The following RGMA variants were observed in gnomAD, a reference collection of about 807,000 sequenced individuals.
RGMA encodes repulsive guidance molecule BMP co-receptor a, also known as repulsive guidance molecule A.
A neutral mutation model predicts 23.2 loss-of-function variants in RGMA; 10 were observed. That is an observed-to-expected ratio of 0.43 (90% CI 0.27 to 0.73). The LOEUF (loss-of-function observed/expected upper bound fraction) is 0.73, where lower values mean the gene tolerates loss of function less well. Ranked by LOEUF, RGMA falls within the 30% of genes least tolerant of loss-of-function variation. RGMA has a pLI of 0.20. For synonymous variants in RGMA, 308 were observed against 279.3 expected (o/e 1.10, Z -1.03); for missense variants, 547 against 630.5 (o/e 0.87, Z 1.42).
Position 93,067,638 on chromosome 15 carries a change from G to C in RGMA, c.130+5278C>G, listed in dbSNP as rs1873236050. Among the ~76,000 whole-genome samples, 4 of 152,198 alleles carry C rather than the reference G, an allele frequency of 2.6e-5. No individual in the cohort carries two copies. The South Asian group carries it at 6.2e-4, about 24-fold the overall frequency. On this transcript the variant is annotated intron_variant, in intron 2 of 3. Transcript: ENST00000329082. ...GGGCAGTGTCCAGAGCAATGCCTTAGAGTGGCCAGGTGGGGTGTGGTGGGG... is the reference window on the plus strand; with the variant it reads ...GGGCAGTGTCCAGAGCAATGCCTTACAGTGGCCAGGTGGGGTGTGGTGGGG...
At chr15:93,066,028 G>A (rs1005161425) in intron 2 of RGMA, 15 of 1,487,096 alleles carry the variant, frequency 1.0e-5, no homozygotes, top group East Asian at 2.3e-5. Context: ...TTCTGTCCCC[G>A]CTGAAGGGAT....
chr15:93,054,249 T>C lies in RGMA; in HGVS notation c.131-1742A>G, dbSNP rs767452174. On this transcript the variant is annotated intron_variant, in intron 2 of 3. Transcript: ENST00000329082. Reference sequence around the variant, plus strand: ...CATCTCAAAAAAAAAAAAAAAAAAATTGATGGAAGAGCTACAGATTTTCCA... The same window carrying C: ...CATCTCAAAAAAAAAAAAAAAAAAACTGATGGAAGAGCTACAGATTTTCCA... 1.1e-3 allele frequency among the ~76,000 whole-genome samples: 147 copies of C among 132,326 alleles called. 1 individual carries two copies. Among genetic ancestry groups the C allele is most frequent in the Non-Finnish European group, 2.0e-3 (126 of 61,616 alleles). 86.8% of individuals were successfully genotyped at this position (132,326 alleles called of 152,430 possible). A position where few individuals can be genotyped will look rare whatever the true frequency, so the allele number is the denominator to read the frequency against.
chr15:93,042,750 G>C lies in RGMA; in HGVS notation c.*2248C>G, dbSNP rs531425833. On this transcript the variant is annotated 3_prime_UTR_variant, in exon 4 of 4. Coordinates refer to ENST00000329082, the MANE Select transcript of RGMA (RefSeq NM_020211.3). ...CCTGATTCACTGGGTAGTTTGTACA[G>C]ATGAAATGTGATCACAGCTGCCAAT... 1 of 152,370 alleles carries C rather than the reference G, an allele frequency of 6.6e-6. No homozygotes were observed. The highest frequency in any genetic ancestry group is 1.9e-4 in the East Asian group (1 of 5,182). 9.4% of individuals were successfully genotyped at this position (152,370 alleles called of 1,614,324 possible). A position where few individuals can be genotyped will look rare whatever the true frequency, so the allele number is the denominator to read the frequency against.
intron 2 of RGMA, among the ~76,000 whole-genome samples, chr15:93,057,608 C>T (rs564645736): frequency 6.6e-6 from 1 of 152,258 alleles, no homozygotes; most frequent in South Asian, 2.1e-4. Flanking sequence ...CTTATGGTGG[C>T]CAAGCTAAAG....
At chr15:93,065,359 T>A (rs542164682) in intron 2 of RGMA, among the ~76,000 whole-genome samples, 1 of 150,308 alleles carries the variant, frequency 6.7e-6, no homozygotes, top group Admixed American at 6.6e-5. Flanking sequence ...TTGGTGTCTC[T>A]GAACAGTAAG....
chr15:93,035,437 G>T lies in RGMA; in HGVS notation c.*9561C>A, dbSNP rs2054650431. 1 of 152,222 alleles carries T rather than the reference G, an allele frequency of 6.6e-6. No individual in the cohort carries two copies. Among genetic ancestry groups the T allele is most frequent in the Admixed American group, 6.5e-5 (1 of 15,276 alleles). 9.4% of individuals were successfully genotyped at this position (152,222 alleles called of 1,614,324 possible). On this transcript the variant is annotated 3_prime_UTR_variant, in exon 4 of 4. Transcript: ENST00000329082. ...TGGGAATTGATGGCCAAGGAGCAGG[G>T]TGGGCTCAGTGGATGGAAAACCTCT...
At chr15:93,053,928 G>A (rs2054969819) in intron 2 of RGMA, among the ~76,000 whole-genome samples, 1 of 152,084 alleles carries the variant, frequency 6.6e-6, no homozygotes, top group Non-Finnish European at 1.5e-5. Context: ...ATTTAAATGT[G>A]CATTAAGAAA....
intron 2 of RGMA, among the ~76,000 whole-genome samples, chr15:93,068,441 G>A (rs796465959): frequency 8.5e-5 from 13 of 152,250 alleles, no homozygotes; most frequent in African/African-American, 3.1e-4. Flanking sequence ...CTCATAGAGT[G>A]GCCTTATCTG....
chr15:93,052,502 A>T lies in RGMA; in HGVS notation c.136T>A (p.Ser46Thr). The T allele has an allele frequency of 6.4e-7, 1 of 1,567,010 alleles. No individual in the cohort carries two copies. Residue 46 changes from serine to threonine, a missense_variant, in exon 3 of 4, where the codon TCC becomes ACC. By Grantham distance (58) the Ser-to-Thr change is moderately conservative (BLOSUM62 1). Around this residue, in one of 3 missense-constraint regions of RGMA, gnomAD observed 214 missense variants for 234.7 expected, o/e 0.91. Coordinates refer to ENST00000329082, the MANE Select transcript of RGMA (RefSeq NM_020211.3). ...TTGCACTTGAGGATCTTGCACGGGG[A>T]GGTGGCTGAGGAGAAAGGAACGAAC... ...FLLCSFPAAT[S>T]PCKILKCNSE...
At chr15:93,048,768 C>A (rs530608631) in intron 3 of RGMA, among the ~76,000 whole-genome samples, 2 of 152,208 alleles carry the variant, frequency 1.3e-5, no homozygotes, top group South Asian at 4.1e-4. Context: ...CAGCCCACCT[C>A]GGTGGGGAGG....
intron 2 of RGMA, among the ~76,000 whole-genome samples, chr15:93,071,812 C>T (rs947246231): frequency 6.6e-6 from 1 of 152,134 alleles, no homozygotes; most frequent in African/African-American, 2.4e-5. Flanking sequence ...CAGTAGTGCG[C>T]GGGGGCTGCG....
chr15:93,043,326 G>A lies in RGMA; in HGVS notation c.*1672C>T, dbSNP rs2054754065. The A allele has an allele frequency of 6.6e-6, 1 of 151,484 alleles. No homozygotes were observed. The highest frequency in any genetic ancestry group is 6.6e-5 in the Admixed American group (1 of 15,250). The allele number at this position is 151,484 out of a possible 1,614,324, so 9.4% of individuals were successfully genotyped here. A position where few individuals can be genotyped will look rare whatever the true frequency, so the allele number is the denominator to read the frequency against. On this transcript the variant is annotated 3_prime_UTR_variant, in exon 4 of 4. Transcript: ENST00000329082. ...CGCGCACACACACACACTTGCTGCA[G>A]GGGATCCCACCACCAAAGTCCATCC...
chr15:93,082,335 G>C (rs570683584), intron 1 of RGMA, among the ~76,000 whole-genome samples: 1 of 152,310 alleles, frequency 6.6e-6, no homozygotes, highest in South Asian at 2.1e-4. Flanking sequence ...TTATACTTGA[G>C]GCCTGATGGG....
Position 93,087,464 on chromosome 15 carries a change from CAA to C in RGMA, c.14+1453_14+1454del, listed in dbSNP as rs60714695. 4.7e-3 allele frequency among the ~76,000 whole-genome samples: 350 copies of C among 74,516 alleles called. 1 individual carries two copies. Among genetic ancestry groups the C allele is most frequent in the Non-Finnish European group, 7.1e-3 (303 of 42,670 alleles). The allele number at this position is 74,516 out of a possible 152,430, so 48.9% of individuals were successfully genotyped here. On this transcript the variant is annotated intron_variant, in intron 1 of 3. Coordinates refer to ENST00000329082, the MANE Select transcript of RGMA (RefSeq NM_020211.3). ...GCAAGAAACCCCTTCTTTGTATGTG[CAA>C]AAAAAAAAAAAAAAAAAACCACAAA...
Position 93,045,457 on chromosome 15 carries a change from C to T in RGMA, c.894G>A (p.Glu298=), listed in dbSNP as rs375906863. The T allele has an allele frequency of 2.5e-6, 4 of 1,613,214 alleles. No individual in the cohort carries two copies. Among genetic ancestry groups the T allele is most frequent in the Non-Finnish European group, 3.4e-6 (4 of 1,179,798 alleles). The change falls in exon 4 of 4, where the codon GAG becomes GAA. Residue 298 remains glutamate, a synonymous_variant. Transcript: ENST00000329082. The surrounding 1 kb of genome is among the most constrained non-coding windows in gnomAD (Gnocchi z 6.9). ...RYLTFAVRMP[E]EVVNAVEDWD... is the part of the protein sequence containing the mutation. ...AGTCCTCCACAGCATTGACCACTTC[C>T]TCTGGCATGCGGACGGCAAAGGTCA...
intron 1 of RGMA, among the ~76,000 whole-genome samples, chr15:93,081,707 T>C (rs1201829722): frequency 1.3e-5 from 2 of 152,196 alleles, no homozygotes; most frequent in Non-Finnish European, 2.9e-5. Flanking sequence ...AATAATTTAG[T>C]GCCAAGCACA....
At chr15:93,051,365 C>T (rs138871388) in intron 3 of RGMA, among the ~76,000 whole-genome samples, 1,734 of 152,312 alleles carry the variant, frequency 0.011, 41 homozygotes, top group African/African-American at 0.04. Context: ...ACCGGTGGGC[C>T]GGGCACTGGG....
chr15:93,072,910 C>T lies in RGMA; in HGVS notation c.130+6G>A. On this transcript the variant is annotated splice_donor_region_variant and intron_variant, in intron 2 of 3. Coordinates refer to ENST00000329082, the MANE Select transcript of RGMA (RefSeq NM_020211.3). ...GGCCCCGCGCGCCCGGCCGGCAGTG[C>T]CTTACCTGCGGGGAAGCTGCAGAGA... 4 of 1,597,812 alleles carry T rather than the reference C, an allele frequency of 2.5e-6. No individual in the cohort carries two copies. The highest frequency in any genetic ancestry group is 3.4e-6 in the Non-Finnish European group (4 of 1,172,870).
chr15:93,059,293 A>G (rs1167049917), intron 2 of RGMA, among the ~76,000 whole-genome samples: 1 of 152,200 alleles, frequency 6.6e-6, no homozygotes, highest in Non-Finnish European at 1.5e-5. Context: ...CCAGAAGCTT[A>G]ATCGATTCCG....
Sources: allele counts gnomAD v4.1 joint callset (sites outside exome capture counted in the v4.1 genomes callset), GRCh38; gene constraint gnomAD v4.1.1; regional missense constraint gnomAD v4.1.1; non-coding constraint Gnocchi (gnomAD v3.1); transcripts MANE v1.5; gene names NCBI Gene and HGNC (gene_info 2026-07-23, HGNC 2026-07-21).